PRLR: variants seen among roughly 807,000 people sequenced by gnomAD.
PRLR encodes the protein prolactin receptor.
In PRLR, 13 loss-of-function variants were observed where a neutral mutation model predicts 40.2. That is an observed-to-expected ratio of 0.32 (90% CI 0.21 to 0.51). The LOEUF (loss-of-function observed/expected upper bound fraction) is 0.51. Ranked by LOEUF, PRLR falls within the 20% of genes least tolerant of loss-of-function variation. PRLR has a pLI of 0.97. For synonymous variants in PRLR, 269 were observed against 278.7 expected, an observed-to-expected ratio of 0.97 and a Z score of 0.35; for missense variants, 656 against 747.3, an observed-to-expected ratio of 0.88 and a Z score of 1.42.
intron 1 of PRLR, among the ~76,000 whole-genome samples, chr5:35,166,352 C>G (rs1309814495): frequency 1.3e-5 from 2 of 152,136 alleles, no homozygotes; most frequent in African/African-American, 2.4e-5. Context: ...GATAGCATGG[C>G]TTGTTTAATG....
At chr5:35,178,326 G>A (rs1224972634) in intron 1 of PRLR, among the ~76,000 whole-genome samples, 1 of 152,080 alleles carries the variant, frequency 6.6e-6, no homozygotes, top group Non-Finnish European at 1.5e-5. Context: ...TGACTCTTAT[G>A]TGTCATATAC....
intron 1 of PRLR, among the ~76,000 whole-genome samples, chr5:35,161,561 G>A (rs1036644884): frequency 6.6e-6 from 1 of 152,206 alleles, no homozygotes; most frequent in Non-Finnish European, 1.5e-5. Flanking sequence ...GAAGCAAAGT[G>A]AATTCAAAAA....
At chr5:35,077,581 T>G (rs549550494) in intron 5 of PRLR, among the ~76,000 whole-genome samples, 1 of 152,288 alleles carries the variant, frequency 6.6e-6, no homozygotes, top group Non-Finnish European at 1.5e-5. Flanking sequence ...ACAAAGAGAC[T>G]TAGACTCCCA....
At chr5:35,123,779 C>T (rs751219825) in intron 1 of PRLR, among the ~76,000 whole-genome samples, 13 of 152,256 alleles carry the variant, frequency 8.5e-5, no homozygotes, top group Admixed American at 6.5e-4. Context: ...AGTACATTGA[C>T]GCTTATAATA....
Position 35,058,514 on chromosome 5 carries a change from C to T in PRLR, c.*6575G>A, listed in dbSNP as rs1461897829. ...TGGATTGTACTTTAAATGTGTAACACCCCAGAGCAGCTGTACAATGAATGA... is the reference window on the plus strand; with the variant it reads ...TGGATTGTACTTTAAATGTGTAACATCCCAGAGCAGCTGTACAATGAATGA... On this transcript the variant is annotated 3_prime_UTR_variant, in exon 10 of 10. Transcript: ENST00000618457. 6.6e-6 allele frequency: 1 copy of T among 152,162 alleles called. No homozygotes were observed. Among genetic ancestry groups the T allele is most frequent in the Admixed American group, 6.5e-5 (1 of 15,274 alleles). 9.4% of individuals were successfully genotyped at this position (152,162 alleles called of 1,614,324 possible). A position where few individuals can be genotyped will look rare whatever the true frequency, so the allele number is the denominator to read the frequency against.
At chr5:35,092,305 G>A (rs771116509) in intron 2 of PRLR, among the ~76,000 whole-genome samples, 28 of 152,110 alleles carry the variant, frequency 1.8e-4, no homozygotes, top group African/African-American at 5.3e-4. Flanking sequence ...GTGGTGTCAC[G>A]GTTGTGTTTC....
intron 8 of PRLR, 133 bp downstream of exon 8, chr5:35,068,646 T>A (rs1433407307): frequency 2.8e-6 from 2 of 725,612 alleles, no homozygotes; most frequent in South Asian, 2.1e-5. Flanking sequence ...AGATTTTTTT[T>A]ATGGGCAAAC....
intron 1 of PRLR, among the ~76,000 whole-genome samples, chr5:35,200,850 G>A (rs889619354): frequency 3.9e-5 from 6 of 152,158 alleles, no homozygotes; most frequent in African/African-American, 9.7e-5. Flanking sequence ...CAGACTTTGC[G>A]AAGATCACAC....
chr5:35,224,889 T>C (rs994715735), intron 1 of PRLR, among the ~76,000 whole-genome samples: 2 of 148,560 alleles, frequency 1.3e-5, no homozygotes, highest in African/African-American at 2.5e-5. Flanking sequence ...CTTTATTTCA[T>C]TGACATATTT....
intron 1 of PRLR, among the ~76,000 whole-genome samples, chr5:35,150,577 A>C (rs1013501455): frequency 6.6e-6 from 1 of 152,224 alleles, no homozygotes; most frequent in Non-Finnish European, 1.5e-5. Context: ...TATTGAATTA[A>C]ACCATCTACA....
At chr5:35,084,073 C>A (rs1173546661) in intron 5 of PRLR, among the ~76,000 whole-genome samples, 2 of 152,036 alleles carry the variant, frequency 1.3e-5, no homozygotes, top group East Asian at 3.9e-4. Context: ...TCAGATGAAC[C>A]CTTCTAAGAA....
intron 1 of PRLR, among the ~76,000 whole-genome samples, chr5:35,221,941 C>T (rs1004281073): frequency 1.3e-5 from 2 of 152,158 alleles, no homozygotes; most frequent in Non-Finnish European, 2.9e-5. Flanking sequence ...GAAGAACTTC[C>T]GTCCCCACCC....
intron 1 of PRLR, among the ~76,000 whole-genome samples, chr5:35,167,461 G>A (rs1774874413): frequency 6.6e-6 from 1 of 151,954 alleles, no homozygotes; most frequent in Non-Finnish European, 1.5e-5. Flanking sequence ...CTAAAACTGA[G>A]AAAATACATA....
At chr5:35,104,320 C>T (rs984384189) in intron 2 of PRLR, among the ~76,000 whole-genome samples, 8 of 152,274 alleles carry the variant, frequency 5.3e-5, no homozygotes, top group South Asian at 2.1e-4. Context: ...ATGCAGAAGA[C>T]GGGTGATTTC....
At chr5:35,107,906 G>T (rs1227289080) in intron 2 of PRLR, among the ~76,000 whole-genome samples, 2 of 152,090 alleles carry the variant, frequency 1.3e-5, no homozygotes, top group African/African-American at 4.8e-5. Flanking sequence ...CCAAATCCTG[G>T]CAGAGACACA....
intron 2 of PRLR, among the ~76,000 whole-genome samples, chr5:35,109,436 C>G (rs985693272): frequency 2.6e-5 from 4 of 152,180 alleles, no homozygotes; most frequent in African/African-American, 4.8e-5. Flanking sequence ...TGGCAACCTA[C>G]AGAATGGGAG....
At chr5:35,145,262 G>A (rs533137755) in intron 1 of PRLR, among the ~76,000 whole-genome samples, 2 of 151,874 alleles carry the variant, frequency 1.3e-5, no homozygotes, top group African/African-American at 2.4e-5. Flanking sequence ...GTTGTCCTGT[G>A]GGTGATTTAA....
At chr5:35,184,042 C>T (rs1436337808) in intron 1 of PRLR, among the ~76,000 whole-genome samples, 3 of 152,180 alleles carry the variant, frequency 2.0e-5, no homozygotes, top group Non-Finnish European at 4.4e-5. Flanking sequence ...TCCAAGGCAT[C>T]AGAAAGTTTG....
chr5:35,099,800 A>T (rs780917808), intron 2 of PRLR, among the ~76,000 whole-genome samples: 1 of 152,246 alleles, frequency 6.6e-6, no homozygotes, highest in African/African-American at 2.4e-5. Context: ...AATAGAAAAA[A>T]GTTTATAGTA....
Sources: gnomAD v4.1 joint callset for allele counts (sites outside exome capture counted in the v4.1 genomes callset) on GRCh38, gnomAD v4.1.1 for gene constraint, MANE v1.5 for transcripts, NCBI Gene and HGNC (gene_info 2026-07-23, HGNC 2026-07-21) for gene names.